The following RFC1 variants were observed in gnomAD, a reference collection of about 807,000 sequenced individuals.
RFC1 encodes the protein replication factor C subunit 1.
Under a neutral mutation model 137.4 loss-of-function variants are expected in RFC1, and 37 were observed. That is an observed-to-expected ratio of 0.27 (90% CI 0.21 to 0.35). RFC1 has a LOEUF of 0.35. RFC1 is among the 10% of genes least tolerant of loss of function. The probability of loss-of-function intolerance (pLI) is 1.00; values close to 1 mark genes in which losing one functional copy is unlikely to be tolerated. For missense variants in RFC1, 1,205 were observed against 1,358.5 expected, an observed-to-expected ratio of 0.89 and a Z score of 1.78; for synonymous variants, 429 against 455.7, an observed-to-expected ratio of 0.94 and a Z score of 0.75.
chr4:39,307,341 T>A (rs1380767206), intron 13 of RFC1: 1 of 153,278 alleles, frequency 6.5e-6, no homozygotes, highest in African/African-American at 2.4e-5. Context: ...CAACTCATAC[T>A]CAATAACTGA....
chr4:39,359,011 A>G (rs2109776646), intron 1 of RFC1, among the ~76,000 whole-genome samples: 2 of 152,244 alleles, frequency 1.3e-5, no homozygotes, highest in Admixed American at 1.3e-4. Flanking sequence ...TCTAACTAAT[A>G]ATGTCCTCAA....
chr4:39,350,249 G>A (rs1472206670), intron 2 of RFC1, among the ~76,000 whole-genome samples: 1 of 152,100 alleles, frequency 6.6e-6, no homozygotes, highest in African/African-American at 2.4e-5. Context: ...TCAATGATCC[G>A]TGAGACAATA....
In RFC1 at chr4:39,291,811, G is replaced by C; in HGVS notation, c.2996C>G (p.Ser999Trp). The change falls in exon 23 of 25, where the codon TCG becomes TGG. Residue 999 changes from serine to tryptophan, a missense_variant. Physicochemically the swap from Ser to Trp is radical, Grantham distance 177. Transcript: ENST00000349703. The stretch of plus-strand genomic sequence containing the variant: ...CTGTACAAGTGCATCCCTTAGAAGC[G>C]ACAGATAATCCATGTTTACAGTCCT... ...SKRTVNMDYL[S>W]LLRDALVQPL... The C allele has an allele frequency of 6.2e-7, 1 of 1,614,112 alleles. No homozygotes were observed. Among genetic ancestry groups the C allele is most frequent in the Non-Finnish European group, 8.5e-7 (1 of 1,179,982 alleles).
rs1491191622 is a variant in RFC1 at position 39,288,077 on chromosome 4, TTA to T, written c.*682_*683del. 1.3e-5 allele frequency: 2 copies of T among 152,344 alleles called. No individual in the cohort carries two copies. Among genetic ancestry groups the T allele is most frequent in the South Asian group, 4.2e-4 (2 of 4,818 alleles). The allele number at this position is 152,344 out of a possible 1,614,324, so 9.4% of individuals were successfully genotyped here. Reference sequence around the variant, plus strand: ...AGTTCTGACTCCTCGACTGCCAATGTTATGTTTCACACAACAGGTTAGTAAGG... The same window carrying T: ...AGTTCTGACTCCTCGACTGCCAATGTTGTTTCACACAACAGGTTAGTAAGG... On this transcript the variant is annotated 3_prime_UTR_variant, in exon 25 of 25. Coordinates refer to ENST00000349703, the MANE Select transcript of RFC1 (RefSeq NM_002913.5).
Position 39,288,719 on chromosome 4 carries a change from G to A in RFC1, c.*42C>T. 1 of 1,272,866 alleles carries A rather than the reference G, an allele frequency of 7.9e-7. No homozygotes were observed. The highest frequency in any genetic ancestry group is 1.2e-5 in the South Asian group (1 of 83,266). 78.8% of individuals were successfully genotyped at this position (1,272,866 alleles called of 1,614,324 possible). A position where few individuals can be genotyped will look rare whatever the true frequency, so the allele number is the denominator to read the frequency against. On this transcript the variant is annotated 3_prime_UTR_variant, in exon 25 of 25. Transcript: ENST00000349703. ...TTCTCTAGACCAGCTGGACTGGTCA[G>A]GAGGGAGAGTAAAAAGTGGCTGTCG...
At chr4:39,346,841 C>A (rs1162952374) in intron 2 of RFC1, among the ~76,000 whole-genome samples, 1 of 152,178 alleles carries the variant, frequency 6.6e-6, no homozygotes, top group Admixed American at 6.5e-5. Flanking sequence ...TGCCTGTAAA[C>A]TTTACCCAAA....
In RFC1 at chr4:39,307,003, C is replaced by T. The variant is rs532319721; in HGVS notation, c.1886-302G>A. ...ACGCACAGGCCATGGAGCACGCTGC[C>T]GGGGCTCGATCCCAACTCCATCCAT... On this transcript the variant is annotated intron_variant, in intron 13 of 24. Coordinates refer to ENST00000349703, the MANE Select transcript of RFC1 (RefSeq NM_002913.5). Among the ~76,000 whole-genome samples the T allele has an allele frequency of 4.6e-5, 7 of 152,234 alleles. No homozygotes were observed. In the South Asian group the frequency reaches 1.2e-3, roughly 27 times the overall value.
chr4:39,309,107 C>G, intron 12 of RFC1, 75 bp from the exon 13 acceptor site: 1 of 1,467,770 alleles, frequency 6.8e-7, no homozygotes, highest in Non-Finnish European at 9.1e-7. Context: ...AAACGTACTA[C>G]AGAGAGCAAT....
chr4:39,299,927 AACAAAATAAAATAAAAT>A, intron 21 of RFC1, 77 bp downstream of exon 21: 1 of 788,846 alleles, frequency 1.3e-6, no homozygotes, highest in Non-Finnish European at 2.1e-6. Flanking sequence ...AAATAAAGTA[AACAAAATAAAATAAAAT>A]AAGTACAGCA....
intron 4 of RFC1, among the ~76,000 whole-genome samples, chr4:39,334,203 A>G (rs1451279338): frequency 6.6e-6 from 1 of 152,156 alleles, no homozygotes; most frequent in Admixed American, 6.5e-5. Flanking sequence ...TTTCTCACAA[A>G]TATAAGGGAT....
At chr4:39,325,812 TACCATTCAGTCTGCA>T (rs2109682084) in intron 6 of RFC1, among the ~76,000 whole-genome samples, 1 of 152,362 alleles carries the variant, frequency 6.6e-6, no homozygotes, top group Admixed American at 6.5e-5. Context: ...ATCTCTCACC[TACCATTCAGTCTGCA>T]AACTGATCTG....
intron 15 of RFC1, among the ~76,000 whole-genome samples, chr4:39,304,062 T>G (rs945386246): frequency 6.6e-6 from 1 of 152,070 alleles, no homozygotes; most frequent in Non-Finnish European, 1.5e-5. Context: ...CTCTCCAGAG[T>G]TGTACCAATC....
intron 7 of RFC1, among the ~76,000 whole-genome samples, chr4:39,322,928 T>C (rs1042862137): frequency 2.0e-5 from 3 of 150,990 alleles, no homozygotes; most frequent in African/African-American, 4.9e-5. Context: ...TACAAAAATA[T>C]ACAAAAATTA....
intron 12 of RFC1, 133 bp from the exon 13 acceptor site, chr4:39,309,165 C>CA (rs1343396351): frequency 5.3e-5 from 45 of 849,878 alleles, no homozygotes; most frequent in Non-Finnish European, 7.5e-5. Flanking sequence ...CTTTTCACAA[C>CA]AGACTTTCCT....
At chr4:39,338,303 C>G (rs1740454310) in intron 4 of RFC1, among the ~76,000 whole-genome samples, 1 of 152,042 alleles carries the variant, frequency 6.6e-6, no homozygotes, top group Non-Finnish European at 1.5e-5. Context: ...AAACGGAAAG[C>G]CTAAAAATCT....
intron 4 of RFC1, chr4:39,341,666 C>T (rs1170045182): frequency 2.2e-6 from 1 of 456,092 alleles, no homozygotes; most frequent in African/African-American, 2.0e-5. Flanking sequence ...ATTGTCTCCT[C>T]TAAGGGTTAA....
Position 39,288,853 on chromosome 4 carries a change from G to A in RFC1, c.3361-9C>T. On this transcript the variant is annotated splice_polypyrimidine_tract_variant and intron_variant, in intron 24 of 24. Transcript: ENST00000349703. Reference sequence around the variant, plus strand: ...GAAGATTTTGTCTTTTTCTGTTAGGGGGAAGATAACAAAATAGTTAATAGC... The same window carrying A: ...GAAGATTTTGTCTTTTTCTGTTAGGAGGAAGATAACAAAATAGTTAATAGC... 1.9e-6 allele frequency: 3 copies of A among 1,558,452 alleles called. No individual in the cohort carries two copies. The highest frequency in any genetic ancestry group is 2.2e-5 in the South Asian group (2 of 89,058).
chr4:39,327,697 A>C lies in RFC1; in HGVS notation c.391T>G (p.Ser131Ala), dbSNP rs1028691663. Residue 131 changes from serine to alanine, a missense_variant, in exon 5 of 25, where the codon TCT becomes GCT. Physicochemically the swap from Ser to Ala is moderately conservative, Grantham distance 99. This residue lies in a region of RFC1 where 962 missense variants were observed against 1,035.3 expected (regional missense o/e 0.93). Transcript: ENST00000349703. ...AASKSKENGR[S>A]TNSHLGTSNM... ...GATGTTCCAAGATGACTATTTGTAGATCTTCCATTCTCTTTTGATTTAGAG... is the reference window on the plus strand; with the variant it reads ...GATGTTCCAAGATGACTATTTGTAGCTCTTCCATTCTCTTTTGATTTAGAG... The C allele has an allele frequency of 6.2e-7, 1 of 1,613,210 alleles. No individual in the cohort carries two copies. Among genetic ancestry groups the C allele is most frequent in the African/African-American group, 1.3e-5 (1 of 75,026 alleles).
At chr4:39,302,668 G>C (rs967759063) in intron 17 of RFC1, 69 bp downstream of exon 17, 62 of 1,493,554 alleles carry the variant, frequency 4.2e-5, no homozygotes, top group Non-Finnish European at 5.5e-5. Context: ...ATATTTATCA[G>C]GTACTTTTAA....
Sources: allele counts gnomAD v4.1 joint callset (sites outside exome capture counted in the v4.1 genomes callset), GRCh38; gene constraint gnomAD v4.1.1; regional missense constraint gnomAD v4.1.1; transcripts MANE v1.5; gene names NCBI Gene and HGNC (gene_info 2026-07-23, HGNC 2026-07-21).